Variants in PPP1R13B observed in about 807,000 individuals in gnomAD.
PPP1R13B encodes the protein apoptosis-stimulating of p53 protein 1.
In PPP1R13B, 44 loss-of-function variants were observed where a neutral mutation model predicts 119.8. That is an observed-to-expected ratio of 0.37 (90% CI 0.29 to 0.47). PPP1R13B has a LOEUF of 0.47. PPP1R13B is among the 20% of genes least tolerant of loss of function. The pLI is 0.99. For missense variants in PPP1R13B, 1,227 were observed against 1,413.5 expected (o/e 0.87, Z 2.12); for synonymous variants, 542 against 561.5 (o/e 0.97, Z 0.49).
chr14:103,777,680 C>A (rs1449619924), intron 4 of PPP1R13B, among the ~76,000 whole-genome samples: 1 of 151,926 alleles, frequency 6.6e-6, no homozygotes, highest in Non-Finnish European at 1.5e-5. Flanking sequence ...TCAGTGACTG[C>A]TGCTTTATAA....
rs80195422 is a variant in PPP1R13B at position 103,809,673 on chromosome 14, T to A, written c.10-12155A>T. Among the ~76,000 whole-genome samples the A allele has an allele frequency of 5.0e-3, 763 of 151,766 alleles. 8 individuals are homozygous for A. Among genetic ancestry groups the A allele is most frequent in the African/African-American group, 0.018 (726 of 41,442 alleles). ...CTATCTCTACAAAAAGCACAAAAAA[T>A]TAGCCAGGCATGGTAGTATATGCCA... On this transcript the variant is annotated intron_variant, in intron 1 of 16. Transcript: ENST00000202556.
chr14:103,789,910 G>T (rs2085573886), intron 2 of PPP1R13B, among the ~76,000 whole-genome samples: 1 of 152,124 alleles, frequency 6.6e-6, no homozygotes, highest in South Asian at 2.1e-4. Flanking sequence ...TGAAGATGAG[G>T]TGTAAGATAA....
Position 103,749,952 on chromosome 14 carries a change from C to A in PPP1R13B, c.829-18G>T, listed in dbSNP as rs1353641183. The A allele has an allele frequency of 1.2e-6, 2 of 1,607,254 alleles. No individual in the cohort carries two copies. Among genetic ancestry groups the A allele is most frequent in the Admixed American group, 3.4e-5 (2 of 58,108 alleles). ...TTACGAATCTACAAACCACAAAATA[C>A]AACCTTTATGATTTGTGTTAATTAA... is the stretch of plus-strand genomic sequence containing the variant. On this transcript the variant is annotated intron_variant, in intron 7 of 16. Coordinates refer to ENST00000202556, the MANE Select transcript of PPP1R13B (RefSeq NM_015316.3).
chr14:103,822,020 A>G (rs2086421696), intron 1 of PPP1R13B, among the ~76,000 whole-genome samples: 1 of 152,224 alleles, frequency 6.6e-6, no homozygotes, highest in South Asian at 2.1e-4. Context: ...ACAACAGGTA[A>G]AACCAAGACC....
intron 4 of PPP1R13B, among the ~76,000 whole-genome samples, chr14:103,768,326 T>TCAA (rs2084984924): frequency 2.0e-5 from 3 of 151,962 alleles, no homozygotes; most frequent in Non-Finnish European, 4.4e-5. Context: ...AGATGGAGTC[T>TCAA]TGCTCTGTCG....
chr14:103,782,434 T>C (rs2085358949), intron 3 of PPP1R13B, among the ~76,000 whole-genome samples: 1 of 152,244 alleles, frequency 6.6e-6, no homozygotes, highest in Non-Finnish European at 1.5e-5. Flanking sequence ...GCTCAGTGAA[T>C]AACCCTGTTT....
At chr14:103,762,905 A>G (rs896400211) in intron 4 of PPP1R13B, 7 of 950,214 alleles carry the variant, frequency 7.4e-6, no homozygotes, top group South Asian at 1.4e-5. Flanking sequence ...GCAAATTTCC[A>G]TCAGGACAAA....
chr14:103,779,652 T>G (rs1330293551), intron 3 of PPP1R13B, among the ~76,000 whole-genome samples: 1 of 149,994 alleles, frequency 6.7e-6, no homozygotes, highest in Non-Finnish European at 1.5e-5. Flanking sequence ...CATGGTGACA[T>G]GTGCCTCATG....
intron 5 of PPP1R13B, 69 bp downstream of exon 5, chr14:103,757,581 C>T (rs1567099467): frequency 1.4e-6 from 2 of 1,385,690 alleles, no homozygotes; most frequent in Non-Finnish European, 2.0e-6. Context: ...TATATTAACC[C>T]CAGTCTAAAA....
chr14:103,818,398 A>T, intron 1 of PPP1R13B: 1 of 769,798 alleles, frequency 1.3e-6, no homozygotes, highest in Non-Finnish European at 1.6e-6. Context: ...TCATATTTCT[A>T]TGACCATAAT....
intron 1 of PPP1R13B, among the ~76,000 whole-genome samples, chr14:103,822,913 C>T (rs2086445521): frequency 6.6e-6 from 1 of 152,142 alleles, no homozygotes. Flanking sequence ...TCATATCATC[C>T]CCACGTTACA....
intron 4 of PPP1R13B, among the ~76,000 whole-genome samples, chr14:103,765,572 C>T (rs2084918678): frequency 6.6e-6 from 1 of 152,138 alleles, no homozygotes; most frequent in African/African-American, 2.4e-5. Flanking sequence ...GGCTGCTGCT[C>T]GAAAGTGCTC....
intron 3 of PPP1R13B, among the ~76,000 whole-genome samples, chr14:103,779,028 C>G (rs560232264): frequency 1.3e-5 from 2 of 152,222 alleles, no homozygotes; most frequent in African/African-American, 4.8e-5. Flanking sequence ...TGGCTCACAC[C>G]TATAATCCCA....
At position 103,798,152 on chromosome 14, in the gene PPP1R13B, C is replaced by T. The variant is rs866595963; in HGVS notation, c.10-634G>A. Among the ~76,000 whole-genome samples, 43 of 129,174 alleles carry T rather than the reference C, an allele frequency of 3.3e-4. No homozygotes were observed. The East Asian group carries it at 6.4e-3, about 19-fold the overall frequency. The allele number at this position is 129,174 out of a possible 152,430, so 84.7% of individuals were successfully genotyped here. A position where few individuals can be genotyped will look rare whatever the true frequency, so the allele number is the denominator to read the frequency against. On this transcript the variant is annotated intron_variant, in intron 1 of 16. Transcript: ENST00000202556. The stretch of plus-strand genomic sequence containing the variant: ...TCAAGTACATTAAATATAATAATCT[C>T]TTTTTTTTTTTTTTTTTGAGATGGA...
intron 1 of PPP1R13B, among the ~76,000 whole-genome samples, chr14:103,805,954 T>G (rs1179036080): frequency 6.6e-6 from 1 of 152,252 alleles, no homozygotes; most frequent in African/African-American, 2.4e-5. Flanking sequence ...TGGTGATGGC[T>G]GTACAACTAT....
intron 4 of PPP1R13B, among the ~76,000 whole-genome samples, chr14:103,777,958 C>CT (rs34091327): frequency 0.38 from 54,827 of 144,290 alleles, 10,476 homozygotes; most frequent in Non-Finnish European, 0.41. Flanking sequence ...CCACATCTGA[C>CT]TTTTTTTTTT....
chr14:103,764,098 G>A (rs572337236), intron 4 of PPP1R13B: 1 of 153,780 alleles, frequency 6.5e-6, no homozygotes, highest in African/African-American at 2.4e-5. Flanking sequence ...AAGTCTGTGC[G>A]AGCAGATATT....
At chr14:103,769,247 G>C (rs570039826) in intron 4 of PPP1R13B, among the ~76,000 whole-genome samples, 1 of 151,680 alleles carries the variant, frequency 6.6e-6, no homozygotes, top group African/African-American at 2.4e-5. Flanking sequence ...CACCATGCCA[G>C]GCTAATATTT....
intron 1 of PPP1R13B, among the ~76,000 whole-genome samples, chr14:103,812,439 A>AGACACAGT (rs2086182165): frequency 7.0e-6 from 1 of 143,860 alleles, no homozygotes; most frequent in African/African-American, 2.6e-5. Flanking sequence ...TGTGTTTTTG[A>AGACACAGT]GACACAGTTT....
Sources: gnomAD v4.1 joint callset for allele counts (sites outside exome capture counted in the v4.1 genomes callset) on GRCh38, gnomAD v4.1.1 for gene constraint, MANE v1.5 for transcripts, NCBI Gene and HGNC (gene_info 2026-07-23, HGNC 2026-07-21) for gene names.